Variants in ARHGAP6 observed in about 807,000 individuals in gnomAD.
The protein encoded by ARHGAP6 is Rho GTPase activating protein 6.
A neutral mutation model predicts 55.7 loss-of-function variants in ARHGAP6; 16 were observed. The observed-to-expected ratio is 0.29, with a 90% CI of 0.19 to 0.44. The LOEUF (loss-of-function observed/expected upper bound fraction) is 0.44, where lower values mean the gene tolerates loss of function less well. Among genes scored for constraint, ARHGAP6 ranks in the 20% least tolerant of loss-of-function variants. The pLI, the probability that ARHGAP6 is intolerant of heterozygous loss-of-function variation, is 1.00. For missense variants in ARHGAP6, 698 were observed against 808.9 expected, an observed-to-expected ratio of 0.86 and a Z score of 1.66; for synonymous variants, 382 against 360.9, an observed-to-expected ratio of 1.06 and a Z score of -0.66.
chrX:11,373,285 A>C (rs1020251467), intron 1 of ARHGAP6, among the ~76,000 whole-genome samples: 7 of 110,277 alleles, frequency 6.3e-5, no homozygotes, highest in Non-Finnish European at 1.3e-4. Context: ...TAAAAAGTAA[A>C]ATGTAAAACA....
intron 2 of ARHGAP6, among the ~76,000 whole-genome samples, chrX:11,242,688 C>G (rs1202465490): frequency 1.8e-5 from 2 of 111,690 alleles, no homozygotes; most frequent in Non-Finnish European, 3.8e-5. Context: ...TTTTAAGCTA[C>G]ATTTCATTCC....
intron 3 of ARHGAP6, among the ~76,000 whole-genome samples, chrX:11,195,957 T>TAA (rs1296316810): frequency 2.7e-4 from 1 of 3,746 alleles, no homozygotes; most frequent in Non-Finnish European, 5.1e-4. Context: ...CTACTAAAAA[T>TAA]ACAAAAAAAA....
intron 2 of ARHGAP6, among the ~76,000 whole-genome samples, chrX:11,242,028 C>T (rs1442002043): frequency 9.0e-6 from 1 of 111,326 alleles, no homozygotes; most frequent in South Asian, 3.8e-4. Flanking sequence ...TAGAGAAAGT[C>T]GACTCTTGGA....
intron 2 of ARHGAP6, among the ~76,000 whole-genome samples, chrX:11,213,168 C>G (rs764779816): frequency 1.8e-5 from 2 of 113,080 alleles, no homozygotes; most frequent in African/African-American, 3.2e-5. Flanking sequence ...ACCTCACCCC[C>G]GGGCTCGTTC....
intron 1 of ARHGAP6, among the ~76,000 whole-genome samples, chrX:11,512,515 T>C (rs894583920): frequency 9.0e-6 from 1 of 111,271 alleles, no homozygotes. Flanking sequence ...TTGGGTCTAT[T>C]TCTCCACCTA....
chrX:11,452,438 G>A (rs184396755), intron 1 of ARHGAP6, among the ~76,000 whole-genome samples: 13 of 111,947 alleles, frequency 1.2e-4, no homozygotes, highest in Middle Eastern at 4.6e-3. Context: ...ATGAGCCACC[G>A]CACCAGGCCA....
chrX:11,222,124 A>G (rs2046981193), intron 2 of ARHGAP6, among the ~76,000 whole-genome samples: 1 of 112,262 alleles, frequency 8.9e-6, no homozygotes, highest in African/African-American at 3.2e-5. Flanking sequence ...TTTTCTACCC[A>G]GTGAGAAACA....
intron 1 of ARHGAP6, among the ~76,000 whole-genome samples, chrX:11,419,392 T>C (rs753244448): frequency 2.9e-4 from 32 of 112,256 alleles, no homozygotes; most frequent in Non-Finnish European, 5.6e-4. Flanking sequence ...ATGCCTTAAC[T>C]TTTGAGATAA....
At chrX:11,407,312 G>A (rs1407594914) in intron 1 of ARHGAP6, among the ~76,000 whole-genome samples, 1 of 111,922 alleles carries the variant, frequency 8.9e-6, no homozygotes, top group East Asian at 2.8e-4. Context: ...CATCCATGTG[G>A]GAGCGTGTGT....
intron 2 of ARHGAP6, among the ~76,000 whole-genome samples, chrX:11,222,722 A>G (rs2046989490): frequency 8.9e-6 from 1 of 111,733 alleles, no homozygotes; most frequent in African/African-American, 3.3e-5. Flanking sequence ...AAAATACTTT[A>G]TTGTGTATTA....
intron 1 of ARHGAP6, among the ~76,000 whole-genome samples, chrX:11,495,652 T>A (rs1340467219): frequency 9.0e-6 from 1 of 110,870 alleles, no homozygotes; most frequent in Non-Finnish European, 1.9e-5. Context: ...TCTAAGGTGG[T>A]CCTAAGGATT....
chrX:11,580,128 A>G (rs2051648046), intron 1 of ARHGAP6, among the ~76,000 whole-genome samples: 1 of 111,985 alleles, frequency 8.9e-6, no homozygotes, highest in African/African-American at 3.2e-5. Flanking sequence ...TGAGGTATCT[A>G]TGAGGATGAT....
rs779916340 is a variant in ARHGAP6 at position 11,639,336 on chromosome X, A to C, written c.588+24905T>G. 6.3e-5 allele frequency among the ~76,000 whole-genome samples: 7 copies of C among 110,682 alleles called. No homozygotes were observed. In the East Asian group the frequency reaches 2.0e-3, roughly 32 times the overall value. On this transcript the variant is annotated intron_variant, in intron 1 of 12. Coordinates refer to ENST00000337414, the MANE Select transcript of ARHGAP6 (RefSeq NM_013427.3). Reference sequence around the variant, plus strand: ...CATCAACTTGTCATTTACATTAGGTATATCTCCTAATGCTATCCCTCCCCC... The same window carrying C: ...CATCAACTTGTCATTTACATTAGGTCTATCTCCTAATGCTATCCCTCCCCC...
intron 1 of ARHGAP6, among the ~76,000 whole-genome samples, chrX:11,331,332 T>C (rs2048560942): frequency 8.9e-6 from 1 of 111,769 alleles, no homozygotes; most frequent in African/African-American, 3.3e-5. Flanking sequence ...ACCCTTTCTG[T>C]CCAATCACAT....
chrX:11,592,212 C>A (rs1254986271), intron 1 of ARHGAP6, among the ~76,000 whole-genome samples: 1 of 112,222 alleles, frequency 8.9e-6, no homozygotes, highest in African/African-American at 3.2e-5. Context: ...TCAAAGTCAT[C>A]TGCTCAGGAA....
chrX:11,313,964 A>C (rs1166357665), intron 1 of ARHGAP6, among the ~76,000 whole-genome samples: 2 of 112,091 alleles, frequency 1.8e-5, no homozygotes, highest in Non-Finnish European at 3.8e-5. Flanking sequence ...TTTGAGGTTC[A>C]TCTCCTTGTA....
chrX:11,279,728 C>T (rs1409589513), intron 1 of ARHGAP6, among the ~76,000 whole-genome samples: 1 of 110,765 alleles, frequency 9.0e-6, no homozygotes, highest in Non-Finnish European at 1.9e-5. Context: ...TATTTTTTTG[C>T]CAAAGACTAT....
intron 1 of ARHGAP6, among the ~76,000 whole-genome samples, chrX:11,423,199 G>A (rs934588252): frequency 8.9e-6 from 1 of 112,869 alleles, no homozygotes; most frequent in Non-Finnish European, 1.9e-5. Flanking sequence ...TGTTAGCACC[G>A]ATGGATGATA....
chrX:11,482,827 C>T (rs916340307), intron 1 of ARHGAP6, among the ~76,000 whole-genome samples: 11 of 111,523 alleles, frequency 9.9e-5, no homozygotes, highest in African/African-American at 3.6e-4. Flanking sequence ...ATCCCCTCCC[C>T]ACAGTGTTGG....
Sources: allele counts gnomAD v4.1 joint callset (sites outside exome capture counted in the v4.1 genomes callset), GRCh38; gene constraint gnomAD v4.1.1; transcripts MANE v1.5; gene names NCBI Gene and HGNC (gene_info 2026-07-23, HGNC 2026-07-21).